MBP: variants seen among roughly 807,000 people sequenced by gnomAD.
MBP encodes myelin basic protein.
A neutral mutation model predicts 35.8 loss-of-function variants in MBP; 16 were observed. That is an observed-to-expected ratio of 0.45 (90% CI 0.30 to 0.68). MBP has a LOEUF of 0.68. MBP is among the 30% of genes least tolerant of loss of function. The pLI is 0.08. For synonymous variants in MBP, 143 were observed against 159.6 expected (o/e 0.90, Z 0.78); for missense variants, 380 against 404.7 (o/e 0.94, Z 0.52).
intron 2 of MBP, among the ~76,000 whole-genome samples, chr18:77,100,838 C>A (rs1346114452): frequency 2.0e-5 from 3 of 152,054 alleles, no homozygotes; most frequent in Non-Finnish European, 2.9e-5. Flanking sequence ...CAGGTGTGGG[C>A]CACCGCACCT....
In MBP at chr18:76,987,391, A is replaced by G. The variant is rs542739487; in HGVS notation, c.750+1104T>C. The G allele has an allele frequency of 3.5e-5, 34 of 985,464 alleles. No individual in the cohort carries two copies. The Admixed American group carries it at 1.1e-3, about 32-fold the overall frequency. The allele number at this position is 985,464 out of a possible 1,614,324, so 61.0% of individuals were successfully genotyped here. On this transcript the variant is annotated intron_variant, in intron 7 of 8. Transcript: ENST00000355994. Reference sequence around the variant, plus strand: ...TTAGGTCAGAAAAAGCAAGTCAAATATGCATTAATGGAAAACGTTTCGGTA... The same window carrying G: ...TTAGGTCAGAAAAAGCAAGTCAAATGTGCATTAATGGAAAACGTTTCGGTA...
chr18:77,091,052 A>G (rs1304891408), intron 2 of MBP, among the ~76,000 whole-genome samples: 1 of 152,180 alleles, frequency 6.6e-6, no homozygotes, highest in East Asian at 1.9e-4. Flanking sequence ...TCATTCCTAA[A>G]AGAGGTAAAT....
At chr18:77,025,752 T>C (rs1209161261) in intron 3 of MBP, among the ~76,000 whole-genome samples, 2 of 142,736 alleles carry the variant, frequency 1.4e-5, no homozygotes, top group Non-Finnish European at 3.0e-5. Context: ...TCGTGCTCCA[T>C]TCCCCTGCAT....
intron 2 of MBP, chr18:77,069,091 C>T (rs989854042): frequency 2.2e-6 from 1 of 457,248 alleles, no homozygotes; most frequent in Non-Finnish European, 4.4e-6. Context: ...TGTTTTATTC[C>T]CCTCCCTGTG....
chr18:77,068,016 C>CGTGTGTGT (rs56090018), intron 2 of MBP, among the ~76,000 whole-genome samples: 6,501 of 149,666 alleles, frequency 0.043, 200 homozygotes, highest in East Asian at 0.19. Flanking sequence ...CCCTCCATCC[C>CGTGTGTGT]GTGTGTGTGT....
chr18:77,112,420 C>T (rs1302155798), intron 1 of MBP, among the ~76,000 whole-genome samples: 3 of 152,230 alleles, frequency 2.0e-5, no homozygotes. Flanking sequence ...ACGCCACTGA[C>T]GCTGGGTGCG....
chr18:76,989,069 G>A lies in MBP; in HGVS notation c.682-157C>T, dbSNP rs774761131. On this transcript the variant is annotated intron_variant, in intron 5 of 8. Transcript: ENST00000355994. The surrounding 1 kb of genome is among the most constrained non-coding windows in gnomAD (Gnocchi z 4.0). Reference sequence around the variant, plus strand: ...CACTTCTGTCCTAGTTGGTGAAGAAGTATAGACCTGAGATTGAAAATATTC... The same window carrying A: ...CACTTCTGTCCTAGTTGGTGAAGAAATATAGACCTGAGATTGAAAATATTC... 1.3e-6 allele frequency: 1 copy of A among 757,300 alleles called. No individual in the cohort carries two copies. Among genetic ancestry groups the A allele is most frequent in the Non-Finnish European group, 2.4e-6 (1 of 410,392 alleles). The allele number at this position is 757,300 out of a possible 1,614,324, so 46.9% of individuals were successfully genotyped here.
chr18:77,111,747 C>A (rs948773224), intron 1 of MBP, among the ~76,000 whole-genome samples: 13 of 152,210 alleles, frequency 8.5e-5, no homozygotes, highest in Non-Finnish European at 1.8e-4. Flanking sequence ...GCCCACCCTC[C>A]CTGCAGAGAG....
At chr18:77,050,088 G>T (rs72988974) in intron 3 of MBP, among the ~76,000 whole-genome samples, 1 of 152,014 alleles carries the variant, frequency 6.6e-6, no homozygotes, top group African/African-American at 2.4e-5. Context: ...TGACGTTCTT[G>T]GTAGAATGTC....
intron 3 of MBP, among the ~76,000 whole-genome samples, chr18:77,028,576 G>A (rs1457395709): frequency 1.1e-5 from 1 of 88,056 alleles, no homozygotes; most frequent in Non-Finnish European, 2.9e-5. Flanking sequence ...GCCGGGCAGA[G>A]GCGCCCCTCA....
intron 2 of MBP, among the ~76,000 whole-genome samples, chr18:77,103,952 A>G (rs1463876763): frequency 1.3e-5 from 2 of 152,242 alleles, no homozygotes; most frequent in Non-Finnish European, 2.9e-5. Flanking sequence ...TACAAAGAAG[A>G]TGAATTCTTA....
At chr18:76,997,652 C>A (rs1970349083) in intron 4 of MBP, among the ~76,000 whole-genome samples, 1 of 152,030 alleles carries the variant, frequency 6.6e-6, no homozygotes, top group African/African-American at 2.4e-5. Flanking sequence ...CAGGGGACTG[C>A]GTGGCCCGCG....
At chr18:77,112,384 A>G (rs1176976122) in intron 1 of MBP, among the ~76,000 whole-genome samples, 1 of 152,208 alleles carries the variant, frequency 6.6e-6, no homozygotes, top group East Asian at 1.9e-4. Context: ...CGTGTTCATC[A>G]CGATGGCAAA....
chr18:77,099,591 GGGCTCCAGGCCT>G (rs1483627529), intron 2 of MBP, among the ~76,000 whole-genome samples: 4 of 152,220 alleles, frequency 2.6e-5, no homozygotes, highest in Non-Finnish European at 5.9e-5. Flanking sequence ...GTGCCACCTG[GGGCTCCAGGCCT>G]GGCTTTGCTC....
intron 4 of MBP, among the ~76,000 whole-genome samples, chr18:77,011,079 T>C (rs1014176488): frequency 2.6e-5 from 4 of 152,212 alleles, no homozygotes; most frequent in African/African-American, 9.6e-5. Flanking sequence ...TTATGGAAAG[T>C]GAACACACCG....
rs1969715332 is a variant in MBP, at chr18:76,988,721, G to A, written c.717+156C>T. 2 of 1,320,494 alleles carry A rather than the reference G, an allele frequency of 1.5e-6. No individual in the cohort carries two copies. 81.8% of individuals were successfully genotyped at this position (1,320,494 alleles called of 1,614,324 possible). A position where few individuals can be genotyped will look rare whatever the true frequency, so the allele number is the denominator to read the frequency against. On this transcript the variant is annotated intron_variant, in intron 6 of 8. Coordinates refer to ENST00000355994, the MANE Select transcript of MBP (RefSeq NM_001025101.2). This position sits in a 1 kb window ranked among gnomAD's most constrained non-coding sequence, Gnocchi z 5.2. The stretch of plus-strand genomic sequence containing the variant: ...GCGGGAGGGACAGGAGGGGTGCATG[G>A]ATCTGCCGACCTGTTCTACTTGGGA...
rs1488463777 is a variant in MBP, at chr18:77,117,603, T to C, written c.-25-12317A>G. 3.3e-5 allele frequency among the ~76,000 whole-genome samples: 5 copies of C among 151,932 alleles called. No individual in the cohort carries two copies. In the East Asian group the frequency reaches 9.7e-4, roughly 30 times the overall value. On this transcript the variant is annotated intron_variant, in intron 1 of 8. Coordinates refer to ENST00000355994, the MANE Select transcript of MBP (RefSeq NM_001025101.2). Reference sequence around the variant, plus strand: ...ATAGATTGTGACTGTCCTGAAATTATAATAAAGTGTCTGAACTATTGATAC... The same window carrying C: ...ATAGATTGTGACTGTCCTGAAATTACAATAAAGTGTCTGAACTATTGATAC...
chr18:77,044,790 T>C lies in MBP; in HGVS notation c.139+21508A>G, dbSNP rs985494495. On this transcript the variant is annotated intron_variant, in intron 3 of 8. Coordinates refer to ENST00000355994, the MANE Select transcript of MBP (RefSeq NM_001025101.2). The surrounding 1 kb of genome is among the most constrained non-coding windows in gnomAD (Gnocchi z 4.4). ...TTAGAAAAGTTGTATCTGTTTTCTT[T>C]CCAAATAAATTTACTTGTAGGAAAC... 3.9e-5 allele frequency among the ~76,000 whole-genome samples: 6 copies of C among 152,270 alleles called. No individual in the cohort carries two copies. In the South Asian group the frequency reaches 6.2e-4, roughly 16 times the overall value.
chr18:77,105,207 T>C lies in MBP; in HGVS notation c.51+4A>G. 6.2e-7 allele frequency: 1 copy of C among 1,612,914 alleles called. No homozygotes were observed. Among genetic ancestry groups the C allele is most frequent in the South Asian group, 1.1e-5 (1 of 91,064 alleles). The stretch of plus-strand genomic sequence containing the variant: ...CACATGTTTCGGATCAGCTCACGTC[T>C]TACCGTACTGGCCTTCTCGGCATTT... On this transcript the variant is annotated splice_donor_region_variant and intron_variant, in intron 2 of 8. Transcript: ENST00000355994.
Sources: allele counts gnomAD v4.1 joint callset (sites outside exome capture counted in the v4.1 genomes callset), GRCh38; gene constraint gnomAD v4.1.1; non-coding constraint Gnocchi (gnomAD v3.1); transcripts MANE v1.5; gene names NCBI Gene and HGNC (gene_info 2026-07-23, HGNC 2026-07-21).